The following PTPRR variants were observed in gnomAD, a reference collection of about 807,000 sequenced individuals.
The protein encoded by PTPRR is protein tyrosine phosphatase receptor type R.
In PTPRR, 38 loss-of-function variants were observed where a neutral mutation model predicts 77.2. The ratio of observed to expected loss-of-function variants is 0.49; its 90% CI spans 0.38 to 0.65. The LOEUF (loss-of-function observed/expected upper bound fraction) is 0.65, where lower values mean the gene tolerates loss of function less well. Ranked by LOEUF, PTPRR falls within the 30% of genes least tolerant of loss-of-function variation. PTPRR has a pLI of 0.00. For missense variants in PTPRR, 744 were observed against 799.2 expected (o/e 0.93, Z 0.83); for synonymous variants, 299 against 283.1 (o/e 1.06, Z -0.57).
chr12:70,860,653 C>T (rs1345639915), intron 2 of PTPRR, among the ~76,000 whole-genome samples: 1 of 152,142 alleles, frequency 6.6e-6, no homozygotes, highest in Admixed American at 6.6e-5. Context: ...AGACCCAGCT[C>T]CATGTAGTGT....
intron 8 of PTPRR, among the ~76,000 whole-genome samples, chr12:70,690,903 C>G (rs1385328836): frequency 6.6e-6 from 1 of 152,116 alleles, no homozygotes; most frequent in Admixed American, 6.5e-5. Flanking sequence ...ACCTGGTACA[C>G]TCTGAGCTTT....
At chr12:70,860,155 T>C (rs1892727884) in intron 2 of PTPRR, among the ~76,000 whole-genome samples, 1 of 152,108 alleles carries the variant, frequency 6.6e-6, no homozygotes, top group African/African-American at 2.4e-5. Context: ...TACATCTCTT[T>C]TGGATTCCAC....
At chr12:70,650,632 C>T (rs1433588700) in intron 13 of PTPRR, among the ~76,000 whole-genome samples, 2 of 152,054 alleles carry the variant, frequency 1.3e-5, no homozygotes, top group Non-Finnish European at 2.9e-5. Context: ...CATTTTTCTA[C>T]ACCCAGGTGC....
At chr12:70,788,698 G>A in intron 2 of PTPRR, 1 of 767,546 alleles carries the variant, frequency 1.3e-6, no homozygotes, top group Non-Finnish European at 2.2e-6. Context: ...TAAGTTCTAT[G>A]CTGACTCATT....
At chr12:70,655,483 G>A (rs779494190) in intron 13 of PTPRR, among the ~76,000 whole-genome samples, 6 of 152,126 alleles carry the variant, frequency 3.9e-5, no homozygotes, top group Non-Finnish European at 8.8e-5. Context: ...GTCAAAATAT[G>A]GAAGCAACTG....
At position 70,895,686 on chromosome 12, in the gene PTPRR, T is replaced by C. The variant is rs1369490281; in HGVS notation, c.59-2709A>G. Among the ~76,000 whole-genome samples the C allele has an allele frequency of 2.6e-5, 4 of 151,668 alleles. No homozygotes were observed. In the East Asian group the frequency reaches 7.7e-4, roughly 29 times the overall value. On this transcript the variant is annotated intron_variant, in intron 1 of 13. Coordinates refer to ENST00000283228, the MANE Select transcript of PTPRR (RefSeq NM_002849.4). ...ACTAGAACTACCAAAGCATAATCTC[T>C]ATAGATGTAGCCTAGGAATCTGGAT...
In PTPRR at chr12:70,754,757, A is replaced by G. The variant is rs115055137; in HGVS notation, c.628-456T>C. 2.1e-3 allele frequency: 3,311 copies of G among 1,544,996 alleles called. 53 individuals are homozygous for G. The African/African-American group carries it at 0.037, about 17-fold the overall frequency. ...AAGTGCAAACAAAAGCTTGTGGTGC[A>G]TTAATAAATACAGCAACAATGCCAG... is the stretch of plus-strand genomic sequence containing the variant. On this transcript the variant is annotated intron_variant, in intron 4 of 13. Transcript: ENST00000283228.
intron 2 of PTPRR, among the ~76,000 whole-genome samples, chr12:70,790,530 C>G (rs979816554): frequency 1.3e-5 from 2 of 152,112 alleles, no homozygotes; most frequent in African/African-American, 4.8e-5. Context: ...TTAGTCTCTT[C>G]TTTTCCTCTA....
At chr12:70,811,490 T>C (rs28639410) in intron 2 of PTPRR, among the ~76,000 whole-genome samples, 22,497 of 152,164 alleles carry the variant, frequency 0.15, 2,110 homozygotes, top group African/African-American at 0.26. Context: ...GCTCTTAAAA[T>C]AAATGCTTCT....
intron 5 of PTPRR, 32 bp downstream of exon 5, chr12:70,754,159 A>G: frequency 6.2e-7 from 1 of 1,601,620 alleles, no homozygotes; most frequent in Non-Finnish European, 8.5e-7. Flanking sequence ...TGGGCTGAGC[A>G]AAGGATAAAA....
At chr12:70,902,195 G>A (rs961937462) in intron 1 of PTPRR, among the ~76,000 whole-genome samples, 3 of 151,946 alleles carry the variant, frequency 2.0e-5, no homozygotes, top group Admixed American at 2.0e-4. Flanking sequence ...AGTGATCAGG[G>A]AACACTTTAA....
In PTPRR at chr12:70,778,680, T is replaced by C. The variant is rs1038272610; in HGVS notation, c.358-13902A>G. ...TATTTCTTTTGTTTTAAATGTGATT[T>C]CAATTTCTCTAATGTTTTTTTTTAC... On this transcript the variant is annotated intron_variant, in intron 2 of 13. Coordinates refer to ENST00000283228, the MANE Select transcript of PTPRR (RefSeq NM_002849.4). Among the ~76,000 whole-genome samples, 4 of 152,258 alleles carry C rather than the reference T, an allele frequency of 2.6e-5. No homozygotes were observed. In the South Asian group the frequency reaches 8.3e-4, roughly 32 times the overall value.
intron 2 of PTPRR, among the ~76,000 whole-genome samples, chr12:70,809,458 T>C (rs1195079278): frequency 6.6e-6 from 1 of 152,216 alleles, no homozygotes; most frequent in Admixed American, 6.5e-5. Flanking sequence ...TTCTAATAAA[T>C]GTAATCTACT....
chr12:70,692,960 G>C (rs1041087015), intron 8 of PTPRR, among the ~76,000 whole-genome samples: 13 of 152,158 alleles, frequency 8.5e-5, no homozygotes, highest in African/African-American at 3.1e-4. Context: ...GGCTCACAGA[G>C]GGTTTAATGT....
At chr12:70,707,261 T>C (rs1453301817) in intron 6 of PTPRR, among the ~76,000 whole-genome samples, 1 of 152,172 alleles carries the variant, frequency 6.6e-6, no homozygotes, top group Admixed American at 6.6e-5. Flanking sequence ...AATTTCATAA[T>C]ACCCATATTT....
Position 70,754,310 on chromosome 12 carries a change from G to A in PTPRR, c.628-9C>T. On this transcript the variant is annotated splice_polypyrimidine_tract_variant and intron_variant, in intron 4 of 13. Coordinates refer to ENST00000283228, the MANE Select transcript of PTPRR (RefSeq NM_002849.4). ...CCTTGTAAAACATTTTTCTTTAAAA[G>A]CAAAACAGAAAGTCCGACGTTAAAT... 6.2e-7 allele frequency: 1 copy of A among 1,612,614 alleles called. No homozygotes were observed. Among genetic ancestry groups the A allele is most frequent in the East Asian group, 2.2e-5 (1 of 44,862 alleles).
chr12:70,691,557 G>A (rs985354796), intron 8 of PTPRR, among the ~76,000 whole-genome samples: 14 of 151,934 alleles, frequency 9.2e-5, no homozygotes, highest in Non-Finnish European at 1.9e-4. Flanking sequence ...AGACCAGCCC[G>A]GTCTCCTCAT....
chr12:70,737,552 G>T lies in PTPRR; in HGVS notation c.1007+8266C>A, dbSNP rs139838046. ...TATCTATCTTTCGAGACAAAGTCTC[G>T]CTGTTTTGCCCAGGCTGGAGTACAG... On this transcript the variant is annotated intron_variant, in intron 6 of 13. Coordinates refer to ENST00000283228, the MANE Select transcript of PTPRR (RefSeq NM_002849.4). 3.5e-4 allele frequency among the ~76,000 whole-genome samples: 52 copies of T among 148,968 alleles called. 1 individual carries two copies. The South Asian group carries it at 9.6e-3, about 27-fold the overall frequency.
chr12:70,908,284 G>A (rs1375940218), intron 1 of PTPRR, among the ~76,000 whole-genome samples: 1 of 152,128 alleles, frequency 6.6e-6, no homozygotes, highest in Non-Finnish European at 1.5e-5. Flanking sequence ...TATATTAGGG[G>A]AAGAGGAAAG....
Sources: gnomAD v4.1 joint callset for allele counts (sites outside exome capture counted in the v4.1 genomes callset) on GRCh38, gnomAD v4.1.1 for gene constraint, MANE v1.5 for transcripts, NCBI Gene and HGNC (gene_info 2026-07-23, HGNC 2026-07-21) for gene names.